MPRIP: variants seen among roughly 807,000 people sequenced by gnomAD.
The protein encoded by MPRIP is myosin phosphatase Rho-interacting protein.
In MPRIP, 59 loss-of-function variants were observed where a neutral mutation model predicts 234.9. The ratio of observed to expected loss-of-function variants is 0.25; its 90% CI spans 0.20 to 0.31. The LOEUF (loss-of-function observed/expected upper bound fraction) is 0.31, where lower values mean the gene tolerates loss of function less well. Among genes scored for constraint, MPRIP ranks in the 10% least tolerant of loss-of-function variants. The probability of loss-of-function intolerance (pLI) is 1.00; values close to 1 mark genes in which losing one functional copy is unlikely to be tolerated. For synonymous variants in MPRIP, 1,144 were observed against 1,263.9 expected, an observed-to-expected ratio of 0.91 and a Z score of 2.01; for missense variants, 2,436 against 3,071.0, an observed-to-expected ratio of 0.79 and a Z score of 4.89.
intron 3 of MPRIP, among the ~76,000 whole-genome samples, chr17:17,109,176 G>C (rs1445558755): frequency 6.6e-6 from 1 of 152,162 alleles, no homozygotes; most frequent in African/African-American, 2.4e-5. Context: ...ATCAGTATCC[G>C]TTCTGCCCAC....
rs756662982 is a variant in MPRIP, at chr17:17,164,438, C to T, written c.2847C>T (p.Ser949=). 15 of 1,260,096 alleles carry T rather than the reference C, an allele frequency of 1.2e-5. No homozygotes were observed. Among genetic ancestry groups the T allele is most frequent in the Middle Eastern group, 3.4e-4 (1 of 2,906 alleles). 78.1% of individuals were successfully genotyped at this position (1,260,096 alleles called of 1,614,324 possible). A position where few individuals can be genotyped will look rare whatever the true frequency, so the allele number is the denominator to read the frequency against. The part of the protein sequence containing the change: ...EERQHSEAAL[S]SQLRASEQKL... ...GGCAACACAGCGAGGCGGCGCTGAG[C>T]AGCCAGCTGAGGGCTAGCGAGCAGA... The change falls in exon 16 of 24, where the codon AGC becomes AGT. Residue 949 remains serine (S), a synonymous_variant. Coordinates refer to ENST00000651222, the MANE Select transcript of MPRIP (RefSeq NM_001364716.4).
chr17:17,075,792 G>T lies in MPRIP; in HGVS notation c.201+5G>T. On this transcript the variant is annotated splice_donor_5th_base_variant and intron_variant, in intron 2 of 23. Coordinates refer to ENST00000651222, the MANE Select transcript of MPRIP (RefSeq NM_001364716.4). ...AACCCAGTGCACCGGTCTCGGGTAA[G>T]GGCATCAGAGCCAACTCTCAGGGAG... is the stretch of plus-strand genomic sequence containing the variant. The T allele has an allele frequency of 6.2e-7, 1 of 1,613,994 alleles. No individual in the cohort carries two copies. The highest frequency in any genetic ancestry group is 8.5e-7 in the Non-Finnish European group (1 of 1,179,916).
Position 17,175,365 on chromosome 17 carries a change from G to A in MPRIP, c.6823G>A (p.Ala2275Thr), listed in dbSNP as rs1351642648. 7 of 1,613,278 alleles carry A rather than the reference G, an allele frequency of 4.3e-6. No homozygotes were observed. In the South Asian group the frequency reaches 6.6e-5, roughly 15 times the overall value. The part of the protein sequence containing the change: ...TLLTGDGGGE[A>T]TGSPLAQGKD... ...GCTGACTGGGGACGGCGGTGGGGAG[G>A]CCACTGGGTCACCCCTTGCACAGGG... The change falls in exon 20 of 24, where the codon GCC (alanine) becomes ACC (threonine). Residue 2275 changes from alanine to threonine, a missense_variant. By Grantham distance (58) the Ala-to-Thr change is moderately conservative (BLOSUM62 0). Coordinates refer to ENST00000651222, the MANE Select transcript of MPRIP (RefSeq NM_001364716.4).
intron 17 of MPRIP, among the ~76,000 whole-genome samples, chr17:17,172,417 A>G (rs143755101): frequency 2.0e-4 from 31 of 152,350 alleles, no homozygotes; most frequent in African/African-American, 6.0e-4. Context: ...GAATTTAACA[A>G]TGACATTTAT....
At chr17:17,142,902 G>A (rs920064985) in intron 8 of MPRIP, 137 bp downstream of exon 8, 1 of 953,090 alleles carries the variant, frequency 1.0e-6, no homozygotes, top group Non-Finnish European at 1.5e-6. Flanking sequence ...CCTCTGCATA[G>A]TGACTTCTTG....
chr17:17,119,234 C>T (rs1401683823), intron 3 of MPRIP, among the ~76,000 whole-genome samples: 2 of 152,202 alleles, frequency 1.3e-5, no homozygotes, highest in Non-Finnish European at 2.9e-5. Context: ...ATGTCTGCAG[C>T]ACAGCCCACC....
At chr17:17,162,788 CATTTCAG>C (rs1344455967) in intron 15 of MPRIP, among the ~76,000 whole-genome samples, 3 of 152,170 alleles carry the variant, frequency 2.0e-5, no homozygotes, top group African/African-American at 7.2e-5. Flanking sequence ...CTCACTGGAG[CATTTCAG>C]ATTTTGGATT....
At chr17:17,177,493 C>A in intron 22 of MPRIP, 81 bp downstream of exon 22, 4 of 1,471,766 alleles carry the variant, frequency 2.7e-6, no homozygotes, top group Non-Finnish European at 3.7e-6. Context: ...CGGTGCTTGA[C>A]TTGAAGCAGA....
intron 1 of MPRIP, among the ~76,000 whole-genome samples, chr17:17,071,742 T>C (rs1307720144): frequency 1.3e-5 from 2 of 152,094 alleles, no homozygotes; most frequent in Admixed American, 1.3e-4. Flanking sequence ...GTCTCTCATG[T>C]GGTCACTTTT....
chr17:17,144,785 G>A (rs2045420445), intron 9 of MPRIP, among the ~76,000 whole-genome samples: 1 of 152,218 alleles, frequency 6.6e-6, no homozygotes, highest in South Asian at 2.1e-4. Flanking sequence ...GAACCCGGGA[G>A]GCGGAGGTTG....
intron 4 of MPRIP, 42 bp from the exon 5 acceptor site, chr17:17,131,575 G>T: frequency 6.4e-7 from 1 of 1,556,692 alleles, no homozygotes; most frequent in East Asian, 2.2e-5. Context: ...GTCCCCGAGT[G>T]CCAGGGTCTT....
rs1345163588 is a variant in MPRIP, at chr17:17,138,899, G to A, written c.1250+470G>A. On this transcript the variant is annotated intron_variant, in intron 7 of 23. Coordinates refer to ENST00000651222, the MANE Select transcript of MPRIP (RefSeq NM_001364716.4). The surrounding 1 kb of genome is among the most constrained non-coding windows in gnomAD (Gnocchi z 5.8). ...GGCAGACAGGCATGCCCAGGAAGGT[G>A]GGGGCAGCACAGGTTCCTCTCTCAA... Among the ~76,000 whole-genome samples the A allele has an allele frequency of 6.6e-6, 1 of 152,208 alleles. No homozygotes were observed. The highest frequency in any genetic ancestry group is 2.4e-5 in the African/African-American group (1 of 41,456).
chr17:17,086,099 C>T (rs1003687175), intron 3 of MPRIP, among the ~76,000 whole-genome samples: 38 of 152,316 alleles, frequency 2.5e-4, no homozygotes, highest in African/African-American at 8.7e-4. Context: ...TCAATGTCTT[C>T]AAGCTCTTTG....
chr17:17,093,137 G>GA (rs2089758425), intron 3 of MPRIP, among the ~76,000 whole-genome samples: 1 of 152,128 alleles, frequency 6.6e-6, no homozygotes, highest in Non-Finnish European at 1.5e-5. Context: ...TCCTGGCTGG[G>GA]AAAAAAGCAT....
chr17:17,162,213 C>T (rs2045888211), intron 15 of MPRIP, among the ~76,000 whole-genome samples: 1 of 152,222 alleles, frequency 6.6e-6, no homozygotes, highest in Admixed American at 6.5e-5. Context: ...GCTACTGACC[C>T]CCAAAGCAAG....
chr17:17,096,291 GTGTGTGTGTGTGTGT>G (rs1567711889), intron 3 of MPRIP, among the ~76,000 whole-genome samples: 2 of 1,682 alleles, frequency 1.2e-3, no homozygotes, highest in Non-Finnish European at 3.2e-3. Context: ...TGTGCAGGGT[GTGTGTGTGTGTGTGT>G]GTGTGTGTGT....
chr17:17,144,895 A>G (rs961856618), intron 9 of MPRIP, among the ~76,000 whole-genome samples: 32 of 152,236 alleles, frequency 2.1e-4, no homozygotes, highest in South Asian at 2.1e-4. Context: ...GCTGTCAGAG[A>G]GGGGGCAGGT....
chr17:17,079,642 TAC>T (rs2089416848), intron 3 of MPRIP, among the ~76,000 whole-genome samples: 1 of 152,206 alleles, frequency 6.6e-6, no homozygotes, highest in Non-Finnish European at 1.5e-5. Flanking sequence ...GTCACTGGAT[TAC>T]ATTCAGGCTG....
At chr17:17,110,996 T>G (rs1297536967) in intron 3 of MPRIP, among the ~76,000 whole-genome samples, 2 of 152,110 alleles carry the variant, frequency 1.3e-5, no homozygotes, top group Non-Finnish European at 1.5e-5. Context: ...AGGTCAGTAT[T>G]GGTTTATTCA....
Sources: gnomAD v4.1 joint callset for allele counts (sites outside exome capture counted in the v4.1 genomes callset) on GRCh38, gnomAD v4.1.1 for gene constraint, Gnocchi (gnomAD v3.1) non-coding constraint, MANE v1.5 for transcripts, NCBI Gene and HGNC (gene_info 2026-07-23, HGNC 2026-07-21) for gene names.